EPGN: variants seen among roughly 807,000 people sequenced by gnomAD.
EPGN encodes the protein epigen.
Under a neutral mutation model 20.7 loss-of-function variants are expected in EPGN, and 21 were observed. The ratio of observed to expected loss-of-function variants is 1.01; its 90% CI spans 0.72 to 1.46. EPGN has a LOEUF of 1.46. Among genes scored for constraint, EPGN ranks in the 40% most tolerant of loss-of-function variants. EPGN has a pLI of 0.00. For missense variants in EPGN, 199 were observed against 180.7 expected, an observed-to-expected ratio of 1.10 and a Z score of -0.58; for synonymous variants, 69 against 63.8, an observed-to-expected ratio of 1.08 and a Z score of -0.39.
rs565668151 is a variant in EPGN at position 74,311,965 on chromosome 4, A to G, written c.134-220A>G. 8.0e-4 allele frequency among the ~76,000 whole-genome samples: 122 copies of G among 152,284 alleles called. 1 individual carries two copies. In the South Asian group the frequency reaches 0.021, roughly 26 times the overall value. ...CTTCTAAAAAGTGAAACAATCATCA[A>G]TCCACCTCCATCCCCTAATTAATTA... On this transcript the variant is annotated intron_variant, in intron 2 of 4. Transcript: ENST00000413830.
chr4:74,311,434 T>C (rs528849507), intron 2 of EPGN, among the ~76,000 whole-genome samples: 2 of 152,278 alleles, frequency 1.3e-5, no homozygotes, highest in South Asian at 2.1e-4. Context: ...ATTTTTAATA[T>C]AAAAAAGAAT....
Position 74,308,553 on chromosome 4 carries a change from T to C in EPGN, c.20T>C (p.Ile7Thr). The change falls in exon 1 of 5, where the codon ATA (isoleucine) becomes ACA (threonine). Residue 7 changes from isoleucine (I) to threonine (T), a missense_variant. Ile to Thr is a moderately conservative substitution (Grantham distance 89). Coordinates refer to ENST00000413830, the MANE Select transcript of EPGN (RefSeq NM_001270989.2). ...CAGGAAATGGCTTTGGGAGTTCCAA[T>C]ATCAGTCTATCTTTTATTCAACGGT... MALGVP[I>T]SVYLLFNAMT... 6 of 1,611,222 alleles carry C rather than the reference T, an allele frequency of 3.7e-6. No homozygotes were observed. Among genetic ancestry groups the C allele is most frequent in the Non-Finnish European group, 5.1e-6 (6 of 1,178,102 alleles).
intron 3 of EPGN, 31 bp downstream of exon 3, chr4:74,312,336 G>T: frequency 6.3e-7 from 1 of 1,594,720 alleles, no homozygotes; most frequent in Non-Finnish European, 8.5e-7. Flanking sequence ...AAGTCCTAGA[G>T]ACAGGAGATG....
intron 3 of EPGN, 55 bp from the exon 4 acceptor site, chr4:74,312,963 T>C (rs1460892001): frequency 1.5e-6 from 2 of 1,351,270 alleles, no homozygotes; most frequent in Non-Finnish European, 2.0e-6. Flanking sequence ...AAACAGGTTA[T>C]TTGTATTTCT....
chr4:74,314,652 A>G lies in EPGN; in HGVS notation c.*15A>G. The G allele has an allele frequency of 6.5e-7, 1 of 1,535,660 alleles. No homozygotes were observed. Among genetic ancestry groups the G allele is most frequent in the Non-Finnish European group, 8.7e-7 (1 of 1,146,512 alleles). The stretch of plus-strand genomic sequence containing the variant: ...GACCACTGTGAGGCCTTTGTGAAGA[A>G]TTTTCATCAAGGCATCTGTAGAGAT... On this transcript the variant is annotated 3_prime_UTR_variant, in exon 5 of 5. Transcript: ENST00000413830.
At chr4:74,314,092 T>A (rs928748791) in intron 4 of EPGN, 4 of 456,076 alleles carry the variant, frequency 8.8e-6, no homozygotes, top group Non-Finnish European at 1.8e-5. Flanking sequence ...TTGCTGTGCA[T>A]GTGATTAGTT....
intron 4 of EPGN, 103 bp downstream of exon 4, chr4:74,313,273 A>T: frequency 4.2e-6 from 6 of 1,428,764 alleles, no homozygotes; most frequent in Non-Finnish European, 5.5e-6. Flanking sequence ...AAATTTTTTT[A>T]ATTAAAAAAG....
chr4:74,308,527 A>G lies in EPGN; in HGVS notation c.-7A>G. On this transcript the variant is annotated 5_prime_UTR_variant, in exon 1 of 5. Transcript: ENST00000413830. Reference sequence around the variant, plus strand: ...ATAAGAGAAAGAAAGTTAAGCAACTACAGGAAATGGCTTTGGGAGTTCCAA... The same window carrying G: ...ATAAGAGAAAGAAAGTTAAGCAACTGCAGGAAATGGCTTTGGGAGTTCCAA... The G allele has an allele frequency of 1.2e-6, 2 of 1,608,204 alleles. No homozygotes were observed. Among genetic ancestry groups the G allele is most frequent in the African/African-American group, 1.3e-5 (1 of 74,908 alleles).
At chr4:74,313,310 T>C in intron 4 of EPGN, 140 bp downstream of exon 4, 1 of 1,411,104 alleles carries the variant, frequency 7.1e-7, no homozygotes, top group Non-Finnish European at 9.1e-7. Context: ...AAAGTTTCTA[T>C]GTAATATTTT....
At chr4:74,309,683 T>C (rs1483569107) in intron 2 of EPGN, among the ~76,000 whole-genome samples, 1 of 152,216 alleles carries the variant, frequency 6.6e-6, no homozygotes, top group African/African-American at 2.4e-5. Flanking sequence ...TAACCACTTG[T>C]ACCCAATTTT....
chr4:74,311,876 T>A (rs1266373237), intron 2 of EPGN, among the ~76,000 whole-genome samples: 2 of 152,220 alleles, frequency 1.3e-5, no homozygotes. Flanking sequence ...AATAACCTGC[T>A]AAGACTAGAA....
intron 4 of EPGN, among the ~76,000 whole-genome samples, chr4:74,313,838 T>C (rs567450401): frequency 6.6e-6 from 1 of 152,340 alleles, no homozygotes; most frequent in South Asian, 2.1e-4. Flanking sequence ...TTTCCCTTGC[T>C]GTACTCTAAT....
chr4:74,312,132 AC>A, intron 2 of EPGN, 52 bp from the exon 3 acceptor site: 1 of 1,542,074 alleles, frequency 6.5e-7, no homozygotes, highest in South Asian at 1.3e-5. Flanking sequence ...TTAAAAATTT[AC>A]CATAAAAGTA....
chr4:74,314,803 C>T lies in EPGN; in HGVS notation c.*166C>T. ...ATAAAATTCAGCGTTGGCCTTTAGA[C>T]TTTGCCATCCTTAAGGAGTGATGGA... On this transcript the variant is annotated 3_prime_UTR_variant, in exon 5 of 5. Transcript: ENST00000413830. 1 of 658,370 alleles carries T rather than the reference C, an allele frequency of 1.5e-6. No individual in the cohort carries two copies. The highest frequency in any genetic ancestry group is 2.6e-6 in the Non-Finnish European group (1 of 391,644). 40.8% of individuals were successfully genotyped at this position (658,370 alleles called of 1,614,324 possible).
intron 1 of EPGN, among the ~76,000 whole-genome samples, 175 bp from the exon 2 acceptor site, chr4:74,308,918 G>A (rs1750709021): frequency 6.6e-6 from 1 of 152,092 alleles, no homozygotes; most frequent in Non-Finnish European, 1.5e-5. Flanking sequence ...TCCTAATATA[G>A]TCAATGGAAT....
Position 74,313,181 on chromosome 4 carries a change from G to A in EPGN, c.407+11G>A. The A allele has an allele frequency of 6.2e-7, 1 of 1,606,616 alleles. No homozygotes were observed. Among genetic ancestry groups the A allele is most frequent in the Non-Finnish European group, 8.5e-7 (1 of 1,178,314 alleles). On this transcript the variant is annotated intron_variant, in intron 4 of 4. Transcript: ENST00000413830. ...CTATATAAGAAAGAGGTATGAAAAA[G>A]ACAAAATATGAAGTCACTTCATATG...
At chr4:74,308,800 A>G (rs1022374766) in intron 1 of EPGN, among the ~76,000 whole-genome samples, 1 of 152,176 alleles carries the variant, frequency 6.6e-6, no homozygotes, top group Non-Finnish European at 1.5e-5. Flanking sequence ...GCTTTATACA[A>G]TTGAAGAGTA....
intron 1 of EPGN, among the ~76,000 whole-genome samples, chr4:74,308,803 G>T (rs1750700964): frequency 6.6e-6 from 1 of 151,986 alleles, no homozygotes; most frequent in Admixed American, 6.6e-5. Flanking sequence ...TTATACAATT[G>T]AAGAGTAATT....
At position 74,315,532 on chromosome 4, in the gene EPGN, C is replaced by A; in HGVS notation, c.*895C>A. 6.6e-6 allele frequency among the ~76,000 whole-genome samples: 1 copy of A among 152,150 alleles called. No homozygotes were observed. Among genetic ancestry groups the A allele is most frequent in the East Asian group, 1.9e-4 (1 of 5,194 alleles). On this transcript the variant is annotated 3_prime_UTR_variant, in exon 5 of 5. Transcript: ENST00000413830. ...TGGCCCTAAAATAGAAACTGAAAAA[C>A]AGGACATAGAATTTTTTCACCAGAC...
Sources: allele counts gnomAD v4.1 joint callset (sites outside exome capture counted in the v4.1 genomes callset), GRCh38; gene constraint gnomAD v4.1.1; transcripts MANE v1.5; gene names NCBI Gene and HGNC (gene_info 2026-07-23, HGNC 2026-07-21).